PPARD: variants seen among roughly 807,000 people sequenced by gnomAD.
PPARD encodes the protein peroxisome proliferator-activated receptor delta.
A neutral mutation model predicts 39.5 loss-of-function variants in PPARD; 6 were observed. The observed-to-expected ratio is 0.15, with a 90% confidence interval of 0.08 to 0.30. PPARD has a LOEUF of 0.30. Ranked by LOEUF, PPARD falls within the 10% of genes least tolerant of loss-of-function variation. PPARD has a pLI of 1.00. For synonymous variants in PPARD, 210 were observed against 231.3 expected (o/e 0.91, Z 0.83); for missense variants, 397 against 596.8 (o/e 0.67, Z 3.49).
intron 2 of PPARD, among the ~76,000 whole-genome samples, chr6:35,374,234 A>G (rs1429972691): frequency 1.3e-5 from 2 of 150,068 alleles, no homozygotes; most frequent in East Asian, 3.9e-4. Flanking sequence ...ACCCAGCAGG[A>G]GCAGAACTTA....
At chr6:35,373,167 A>G (rs1279149107) in intron 2 of PPARD, among the ~76,000 whole-genome samples, 1 of 152,208 alleles carries the variant, frequency 6.6e-6, no homozygotes, top group Non-Finnish European at 1.5e-5. Context: ...CAGAGCCTTC[A>G]TGACCTAAAC....
At chr6:35,387,607 C>T (rs147798469) in intron 2 of PPARD, among the ~76,000 whole-genome samples, 29 of 149,872 alleles carry the variant, frequency 1.9e-4, no homozygotes, top group South Asian at 6.3e-4. Flanking sequence ...TGCTCTTCAC[C>T]GTGGCAGTGG....
In PPARD at chr6:35,363,327, T is replaced by C. The variant is rs11751895; in HGVS notation, c.-102+16177T>C. On this transcript the variant is annotated intron_variant, in intron 2 of 7. Coordinates refer to ENST00000360694, the MANE Select transcript of PPARD (RefSeq NM_006238.5). This position sits in a 1 kb window ranked among gnomAD's most constrained non-coding sequence, Gnocchi z 4.5. ...CATAGGCTGTGCGTTCCTGTGGGCC[T>C]GCCTGGATCATATCTGTTCTGCTGT... Among the ~76,000 whole-genome samples, 2,895 of 152,320 alleles carry C rather than the reference T, an allele frequency of 0.019. 39 individuals carry two copies. Among genetic ancestry groups the C allele is most frequent in the Non-Finnish European group, 0.03 (2,037 of 68,014 alleles).
intron 2 of PPARD, among the ~76,000 whole-genome samples, chr6:35,405,376 A>G (rs1764972306): frequency 6.6e-6 from 1 of 151,958 alleles, no homozygotes; most frequent in Admixed American, 6.6e-5. Flanking sequence ...GCTAGGGACT[A>G]CTTTTTGGTG....
chr6:35,375,415 C>T (rs1490260491), intron 2 of PPARD, among the ~76,000 whole-genome samples: 1 of 152,116 alleles, frequency 6.6e-6, no homozygotes. Context: ...AGGGTTTCGC[C>T]ATGTTGGCCA....
intron 2 of PPARD, chr6:35,348,904 T>G: frequency 1.0e-6 from 1 of 985,416 alleles, no homozygotes; most frequent in Middle Eastern, 5.2e-4. Context: ...TGCTTTGCCA[T>G]TTGCTTTAGC....
intron 2 of PPARD, among the ~76,000 whole-genome samples, chr6:35,400,426 C>G (rs1229515050): frequency 6.6e-6 from 1 of 152,208 alleles, no homozygotes; most frequent in East Asian, 1.9e-4. Context: ...GAAAGCACTT[C>G]AGGAACTTAA....
At chr6:35,385,911 G>A (rs1285171412) in intron 2 of PPARD, among the ~76,000 whole-genome samples, 1 of 152,108 alleles carries the variant, frequency 6.6e-6, no homozygotes, top group African/African-American at 2.4e-5. Flanking sequence ...GGTGGGGAGG[G>A]CGTTGGGGGT....
intron 2 of PPARD, among the ~76,000 whole-genome samples, chr6:35,410,244 C>T (rs1390511327): frequency 2.6e-5 from 4 of 152,226 alleles, no homozygotes; most frequent in Non-Finnish European, 4.4e-5. Flanking sequence ...CGCTGGGAGA[C>T]TCTCCACAGT....
In PPARD at chr6:35,414,912, C is replaced by A. The variant is rs371274212; in HGVS notation, c.130+3695C>A. On this transcript the variant is annotated intron_variant, in intron 3 of 7. Transcript: ENST00000360694. ...TGCCATGCACCTTCTCACCCTCCCCCCAGCCAGGCAGGACAGACCTTCCCA... is the reference window on the plus strand; with the variant it reads ...TGCCATGCACCTTCTCACCCTCCCCACAGCCAGGCAGGACAGACCTTCCCA... 7.9e-5 allele frequency among the ~76,000 whole-genome samples: 12 copies of A among 152,158 alleles called. No individual in the cohort carries two copies. In the South Asian group the frequency reaches 2.1e-3, roughly 26 times the overall value.
At chr6:35,376,552 C>T (rs1178660279) in intron 2 of PPARD, among the ~76,000 whole-genome samples, 5 of 151,968 alleles carry the variant, frequency 3.3e-5, no homozygotes, top group Non-Finnish European at 5.9e-5. Flanking sequence ...AGACTTGGGT[C>T]CTGAATTATG....
At chr6:35,396,199 TCTTCTTCTTCTTC>T (rs1764302498) in intron 2 of PPARD, among the ~76,000 whole-genome samples, 2 of 151,770 alleles carry the variant, frequency 1.3e-5, no homozygotes, top group African/African-American at 4.8e-5. Context: ...GTATTTTATT[TCTTCTTCTTCTTC>T]TTTTTTTTTT....
At chr6:35,416,542 T>G (rs555775042) in intron 3 of PPARD, among the ~76,000 whole-genome samples, 1 of 152,284 alleles carries the variant, frequency 6.6e-6, no homozygotes, top group East Asian at 1.9e-4. Context: ...CTTCCTTGCC[T>G]GTAAAGTGGG....
At chr6:35,370,154 G>C (rs9470003) in intron 2 of PPARD, among the ~76,000 whole-genome samples, 6,240 of 152,244 alleles carry the variant, frequency 0.041, 447 homozygotes, top group African/African-American at 0.14. Context: ...CAACCAGTTA[G>C]TTTGGGAATT....
At chr6:35,386,185 G>T (rs548688426) in intron 2 of PPARD, among the ~76,000 whole-genome samples, 1 of 152,250 alleles carries the variant, frequency 6.6e-6, no homozygotes, top group Admixed American at 6.5e-5. Flanking sequence ...AAAATGGGAG[G>T]AGAAAGCAGT....
intron 2 of PPARD, among the ~76,000 whole-genome samples, chr6:35,400,318 A>C (rs561656776): frequency 2.0e-5 from 3 of 152,350 alleles, no homozygotes; most frequent in Admixed American, 2.0e-4. Flanking sequence ...AGCAAGAGCC[A>C]GTCAGAGCTT....
At chr6:35,390,239 A>C (rs867327077) in intron 2 of PPARD, among the ~76,000 whole-genome samples, 5 of 152,204 alleles carry the variant, frequency 3.3e-5, no homozygotes, top group Admixed American at 3.3e-4. Flanking sequence ...CTTCCTCCAC[A>C]GTGGCCACCT....
intron 2 of PPARD, among the ~76,000 whole-genome samples, chr6:35,364,229 TGTATTCCTTTTTGTGGCTGA>T (rs1266343211): frequency 3.3e-5 from 5 of 152,162 alleles, no homozygotes; most frequent in African/African-American, 1.2e-4. Flanking sequence ...ATAATAGTAC[TGTATTCCTTTTTGTGGCTGA>T]GTATTCCATT....
At chr6:35,379,061 A>T (rs1446095360) in intron 2 of PPARD, among the ~76,000 whole-genome samples, 1 of 151,748 alleles carries the variant, frequency 6.6e-6, no homozygotes, top group Admixed American at 6.6e-5. Flanking sequence ...AGAGGTGGGC[A>T]CAGGGTTAGG....
Sources: allele counts gnomAD v4.1 joint callset (sites outside exome capture counted in the v4.1 genomes callset), GRCh38; gene constraint gnomAD v4.1.1; non-coding constraint Gnocchi (gnomAD v3.1); transcripts MANE v1.5; gene names NCBI Gene and HGNC (gene_info 2026-07-23, HGNC 2026-07-21).